Variants in PIK3C3 observed in about 807,000 individuals in gnomAD.
The protein encoded by PIK3C3 is phosphatidylinositol 3-kinase catalytic subunit type 3.
Under a neutral mutation model 126.1 loss-of-function variants are expected in PIK3C3, and 95 were observed. The observed-to-expected ratio is 0.75, with a 90% CI of 0.64 to 0.89. PIK3C3 has a LOEUF of 0.89. Among genes scored for constraint, PIK3C3 ranks in the 40% least tolerant of loss-of-function variants. PIK3C3 has a pLI of 0.00. For missense variants in PIK3C3, 829 were observed against 1,063.2 expected (o/e 0.78, Z 3.06); for synonymous variants, 374 against 360.0 (o/e 1.04, Z -0.44).
intron 9 of PIK3C3, among the ~76,000 whole-genome samples, chr18:42,002,175 A>G (rs1982322007): frequency 6.6e-6 from 1 of 152,224 alleles, no homozygotes; most frequent in South Asian, 2.1e-4. Context: ...AAAACTTTCA[A>G]CAAGATGACT....
chr18:41,996,545 A>G (rs377058323), intron 8 of PIK3C3, 93 bp from the exon 9 acceptor site: 13 of 556,408 alleles, frequency 2.3e-5, no homozygotes, highest in East Asian at 1.6e-4. Flanking sequence ...GTAGTATAGA[A>G]TTATTTAAAT....
intron 6 of PIK3C3, among the ~76,000 whole-genome samples, chr18:41,993,031 C>T (rs1981855426): frequency 6.6e-6 from 1 of 152,194 alleles, no homozygotes; most frequent in Non-Finnish European, 1.5e-5. Context: ...AGACCTCATA[C>T]CTCTAAAACT....
intron 20 of PIK3C3, among the ~76,000 whole-genome samples, chr18:42,048,307 G>A (rs1427189673): frequency 3.9e-5 from 6 of 152,132 alleles, no homozygotes; most frequent in African/African-American, 1.4e-4. Context: ...TTTTCCTTAT[G>A]GTCTGCAACT....
chr18:42,003,052 T>A (rs1032641099), intron 9 of PIK3C3, among the ~76,000 whole-genome samples: 1 of 152,198 alleles, frequency 6.6e-6, no homozygotes, highest in African/African-American at 2.4e-5. Flanking sequence ...ATGCACCATC[T>A]TGAGGTGATG....
At chr18:41,975,420 A>G (rs1980866787) in intron 4 of PIK3C3, among the ~76,000 whole-genome samples, 1 of 152,200 alleles carries the variant, frequency 6.6e-6, no homozygotes, top group Non-Finnish European at 1.5e-5. Flanking sequence ...GGTGGCTACA[A>G]GATATCTATT....
At chr18:42,061,763 A>T (rs759195438) in intron 22 of PIK3C3, among the ~76,000 whole-genome samples, 1 of 152,240 alleles carries the variant, frequency 6.6e-6, no homozygotes, top group Non-Finnish European at 1.5e-5. Context: ...AAGTATGTGG[A>T]TATCTAACCT....
At chr18:42,041,501 A>G (rs1250240922) in intron 19 of PIK3C3, among the ~76,000 whole-genome samples, 1 of 134,998 alleles carries the variant, frequency 7.4e-6, no homozygotes, top group African/African-American at 2.8e-5. Flanking sequence ...TTTTTTTTTT[A>G]CCCTTTAAAT....
At chr18:42,041,862 T>C (rs1984338263) in intron 19 of PIK3C3, among the ~76,000 whole-genome samples, 1 of 152,212 alleles carries the variant, frequency 6.6e-6, no homozygotes, top group South Asian at 2.1e-4. Flanking sequence ...CTGCCTGGGA[T>C]TGAATTCCAC....
intron 9 of PIK3C3, among the ~76,000 whole-genome samples, chr18:42,001,250 T>C (rs1418376941): frequency 1.3e-5 from 2 of 152,230 alleles, no homozygotes; most frequent in Admixed American, 6.5e-5. Flanking sequence ...TATAGGATAC[T>C]GTTACAAACA....
rs976955076 is a variant in PIK3C3 at position 42,081,002 on chromosome 18, G to A, written c.2650-121G>A. 12 of 607,822 alleles carry A rather than the reference G, an allele frequency of 2.0e-5. No homozygotes were observed. In the South Asian group the frequency reaches 3.0e-4, roughly 15 times the overall value. The allele number at this position is 607,822 out of a possible 1,614,324, so 37.7% of individuals were successfully genotyped here. ...ATTGCAATCCTCTTGGTAGCATTTAGCAAACTAATTAATGCACTTTTTATT... is the reference window on the plus strand; with the variant it reads ...ATTGCAATCCTCTTGGTAGCATTTAACAAACTAATTAATGCACTTTTTATT... On this transcript the variant is annotated intron_variant, in intron 24 of 24. Coordinates refer to ENST00000262039, the MANE Select transcript of PIK3C3 (RefSeq NM_002647.4).
Position 42,067,510 on chromosome 18 carries a change from C to G in PIK3C3, c.2646C>G (p.Ala882=). 1 of 1,614,024 alleles carries G rather than the reference C, an allele frequency of 6.2e-7. No individual in the cohort carries two copies. ...AAVVEQIHKF[A]QYWRK The stretch of plus-strand genomic sequence containing the variant: ...TGGTGGAACAGATTCACAAGTTTGC[C>G]CAGGTAAGTTCCCTGAGTGCAGTGC... Residue 882 remains alanine (A), a synonymous_variant, in exon 24 of 25, where the codon GCC becomes GCG. Transcript: ENST00000262039.
chr18:42,068,593 T>C (rs777485648), intron 24 of PIK3C3, among the ~76,000 whole-genome samples: 5 of 152,202 alleles, frequency 3.3e-5, no homozygotes, highest in African/African-American at 9.7e-5. Flanking sequence ...GCTTTCTTTT[T>C]TTCCTTCCCC....
intron 13 of PIK3C3, chr18:42,026,162 TG>T (rs1383110103): frequency 6.6e-6 from 1 of 152,184 alleles, no homozygotes; most frequent in East Asian, 1.9e-4. Flanking sequence ...CCCAAAGTCC[TG>T]GGTTTCAATC....
chr18:42,004,278 T>C (rs1311702114), intron 9 of PIK3C3, 78 bp from the exon 10 acceptor site: 1 of 1,053,606 alleles, frequency 9.5e-7, no homozygotes, highest in Non-Finnish European at 1.4e-6. Context: ...CATTAGGACC[T>C]AGTGGAACTC....
rs913410092 is a variant in PIK3C3 at position 41,959,601 on chromosome 18, C to T, written c.257+1843C>T. On this transcript the variant is annotated intron_variant, in intron 2 of 24. Coordinates refer to ENST00000262039, the MANE Select transcript of PIK3C3 (RefSeq NM_002647.4). Reference sequence around the variant, plus strand: ...TCACTTGAGGTCAGGAGTTCAAGACCAGCCTGGCCCACATGGTGAAACCCC... The same window carrying T: ...TCACTTGAGGTCAGGAGTTCAAGACTAGCCTGGCCCACATGGTGAAACCCC... 4.6e-5 allele frequency among the ~76,000 whole-genome samples: 7 copies of T among 152,050 alleles called. No homozygotes were observed. The South Asian group carries it at 6.2e-4, about 14-fold the overall frequency.
intron 24 of PIK3C3, among the ~76,000 whole-genome samples, chr18:42,072,575 C>A (rs952236821): frequency 6.6e-6 from 1 of 152,104 alleles, no homozygotes; most frequent in Non-Finnish European, 1.5e-5. Context: ...CTGTCGCCCC[C>A]CACTGGAGTG....
intron 15 of PIK3C3, among the ~76,000 whole-genome samples, chr18:42,031,582 G>T (rs559055373): frequency 1.4e-4 from 21 of 152,060 alleles, no homozygotes; most frequent in African/African-American, 4.8e-4. Context: ...GCACCACCAC[G>T]CCTGGCTAAT....
At chr18:41,985,679 A>G (rs1981437671) in intron 4 of PIK3C3, among the ~76,000 whole-genome samples, 1 of 152,136 alleles carries the variant, frequency 6.6e-6, no homozygotes, top group South Asian at 2.1e-4. Context: ...TTTCTCTAGT[A>G]TAATTTAAAC....
chr18:42,076,220 A>G lies in PIK3C3; in HGVS notation c.2650-4903A>G, dbSNP rs1041512719. Among the ~76,000 whole-genome samples, 9 of 147,248 alleles carry G rather than the reference A, an allele frequency of 6.1e-5. No homozygotes were observed. The South Asian group carries it at 6.4e-4, about 10-fold the overall frequency. On this transcript the variant is annotated intron_variant, in intron 24 of 24. Coordinates refer to ENST00000262039, the MANE Select transcript of PIK3C3 (RefSeq NM_002647.4). The stretch of plus-strand genomic sequence containing the variant: ...CACATATATATATGCACATATATAT[A>G]TGCATATATATATTACATATTCATA...
Sources: allele counts gnomAD v4.1 joint callset (sites outside exome capture counted in the v4.1 genomes callset), GRCh38; gene constraint gnomAD v4.1.1; transcripts MANE v1.5; gene names NCBI Gene and HGNC (gene_info 2026-07-23, HGNC 2026-07-21).